C2orf42: variants seen among roughly 807,000 people sequenced by gnomAD.
C2orf42 encodes the protein chromosome 2 open reading frame 42, also known as uncharacterized protein C2orf42.
In C2orf42, 44 loss-of-function variants were observed where a neutral mutation model predicts 58.9. The ratio of observed to expected loss-of-function variants is 0.75; its 90% CI spans 0.59 to 0.96. The LOEUF (loss-of-function observed/expected upper bound fraction) is 0.96. C2orf42 is among the 40% of genes least tolerant of loss of function. C2orf42 has a pLI of 0.00. For missense variants in C2orf42, 630 were observed against 699.2 expected, an observed-to-expected ratio of 0.90 and a Z score of 1.12; for synonymous variants, 239 against 265.4, an observed-to-expected ratio of 0.90 and a Z score of 0.97.
At chr2:70,166,310 C>G (rs140818705) in intron 6 of C2orf42, among the ~76,000 whole-genome samples, 1 of 148,894 alleles carries the variant, frequency 6.7e-6, no homozygotes, top group Non-Finnish European at 1.5e-5. Context: ...GCCATGATCA[C>G]GCCACTGCAC....
At chr2:70,151,325 C>T (rs1672297335) in intron 9 of C2orf42, among the ~76,000 whole-genome samples, 1 of 151,982 alleles carries the variant, frequency 6.6e-6, no homozygotes, top group Admixed American at 6.6e-5. Context: ...CTCAAAAAAA[C>T]AAAGTAATAC....
chr2:70,188,806 G>C (rs76273439), intron 1 of C2orf42, among the ~76,000 whole-genome samples: 3,285 of 152,208 alleles, frequency 0.022, 132 homozygotes, highest in African/African-American at 0.075. Context: ...GTTTTGAAGA[G>C]TCGAATATTT....
intron 5 of C2orf42, among the ~76,000 whole-genome samples, chr2:70,175,121 T>C (rs536286970): frequency 6.6e-6 from 1 of 152,166 alleles, no homozygotes; most frequent in East Asian, 1.9e-4. Context: ...TACACATATG[T>C]TTTGTTTGTT....
intron 9 of C2orf42, among the ~76,000 whole-genome samples, chr2:70,158,512 C>T (rs1031191604): frequency 5.9e-5 from 9 of 152,078 alleles, no homozygotes; most frequent in East Asian, 1.9e-4. Context: ...TGCAATGGCA[C>T]GATCTCGGCT....
At position 70,182,128 on chromosome 2, in the gene C2orf42, C is replaced by T. The variant is rs1042484982; in HGVS notation, c.-12-131G>A. ...ACTATTTTTTTTTTTTAGACGGAGT[C>T]TCGCTCTGTCGCCCAGGCTGGAGTG... On this transcript the variant is annotated intron_variant, in intron 2 of 9. Transcript: ENST00000264434. 6.4e-5 allele frequency: 38 copies of T among 590,456 alleles called. No individual in the cohort carries two copies. In the East Asian group the frequency reaches 9.9e-4, roughly 15 times the overall value. The allele number at this position is 590,456 out of a possible 1,614,324, so 36.6% of individuals were successfully genotyped here.
intron 9 of C2orf42, among the ~76,000 whole-genome samples, chr2:70,154,459 T>C (rs1028617420): frequency 8.8e-6 from 1 of 114,096 alleles, no homozygotes; most frequent in Admixed American, 9.1e-5. Flanking sequence ...GACATGGTTC[T>C]AAAATATATT....
At chr2:70,165,264 G>GT (rs1673321461) in intron 7 of C2orf42, 72 bp from the exon 8 acceptor site, 1 of 866,314 alleles carries the variant, frequency 1.2e-6, no homozygotes. Context: ...TTGTTACCTA[G>GT]TTTCTAATAC....
intron 8 of C2orf42, among the ~76,000 whole-genome samples, chr2:70,163,661 C>A (rs1422632467): frequency 1.3e-5 from 2 of 150,070 alleles, no homozygotes; most frequent in Admixed American, 6.6e-5. Context: ...ACCAGCCTGG[C>A]CAACATGGCA....
chr2:70,164,588 C>T (rs1474389643), intron 8 of C2orf42, among the ~76,000 whole-genome samples: 3 of 151,750 alleles, frequency 2.0e-5, no homozygotes, highest in Admixed American at 6.6e-5. Flanking sequence ...GCCAAGATTG[C>T]GCCACTGCAC....
rs144647316 is a variant in C2orf42, at chr2:70,166,392, G to A, written c.1145-757C>T. Among the ~76,000 whole-genome samples the A allele has an allele frequency of 7.1e-3, 1,064 of 150,076 alleles. 12 individuals carry two copies. The highest frequency in any genetic ancestry group is 0.025 in the African/African-American group (1,019 of 40,916). On this transcript the variant is annotated intron_variant, in intron 6 of 9. Transcript: ENST00000264434. The stretch of plus-strand genomic sequence containing the variant: ...AAAGAAAAGAAAAGAGAGGCCAGGC[G>A]TGGTGACTCACACCTGTAATCCCAG...
rs1269296916 is a variant in C2orf42 at position 70,179,662 on chromosome 2, T to C, written c.824-20A>G. 6.0e-6 allele frequency: 6 copies of C among 998,828 alleles called. No homozygotes were observed. The Admixed American group carries it at 9.0e-5, about 15-fold the overall frequency. The allele number at this position is 998,828 out of a possible 1,614,324, so 61.9% of individuals were successfully genotyped here. A position where few individuals can be genotyped will look rare whatever the true frequency, so the allele number is the denominator to read the frequency against. ...TAAGACCTAAAAAAAAGAAGATTTC[T>C]GAATTATTAATCCTATCCAAGGGTA... On this transcript the variant is annotated intron_variant, in intron 3 of 9. Coordinates refer to ENST00000264434, the MANE Select transcript of C2orf42 (RefSeq NM_017880.3).
chr2:70,158,652 G>A (rs1323538777), intron 9 of C2orf42, among the ~76,000 whole-genome samples: 3 of 152,080 alleles, frequency 2.0e-5, no homozygotes, highest in Non-Finnish European at 2.9e-5. Flanking sequence ...GTTTCACCAT[G>A]TTGGCCAGGA....
At chr2:70,172,245 G>A (rs1262516749) in intron 5 of C2orf42, among the ~76,000 whole-genome samples, 1 of 148,384 alleles carries the variant, frequency 6.7e-6, no homozygotes, top group Admixed American at 6.8e-5. Context: ...AAAAAAAAAG[G>A]CTATGGGACC....
chr2:70,150,297 G>C lies in C2orf42; in HGVS notation c.*59C>G. On this transcript the variant is annotated 3_prime_UTR_variant, in exon 10 of 10. Transcript: ENST00000264434. ...TCTAAGTGCCTAACTAGCATTTAAA[G>C]TTGTCAAGGGGTGGGGATGTGCAAA... 1 of 1,458,514 alleles carries C rather than the reference G, an allele frequency of 6.9e-7. No individual in the cohort carries two copies. Among genetic ancestry groups the C allele is most frequent in the South Asian group, 1.1e-5 (1 of 88,056 alleles). The allele number at this position is 1,458,514 out of a possible 1,614,324, so 90.3% of individuals were successfully genotyped here. A position where few individuals can be genotyped will look rare whatever the true frequency, so the allele number is the denominator to read the frequency against.
At chr2:70,172,616 C>G (rs919810065) in intron 5 of C2orf42, among the ~76,000 whole-genome samples, 2 of 151,906 alleles carry the variant, frequency 1.3e-5, no homozygotes, top group African/African-American at 4.8e-5. Flanking sequence ...AAGGCTGCAG[C>G]GAGCTGTATC....
chr2:70,160,334 G>A (rs774343673), intron 9 of C2orf42, among the ~76,000 whole-genome samples: 2 of 151,956 alleles, frequency 1.3e-5, no homozygotes, highest in Non-Finnish European at 2.9e-5. Context: ...TAGAGACTGG[G>A]TTTCACCATG....
At chr2:70,162,136 C>T (rs1397012740) in intron 8 of C2orf42, among the ~76,000 whole-genome samples, 4 of 151,412 alleles carry the variant, frequency 2.6e-5, no homozygotes, top group African/African-American at 7.3e-5. Flanking sequence ...CTCAGCCTCC[C>T]GAGTAGCTGG....
At chr2:70,172,130 A>G (rs1008254140) in intron 5 of C2orf42, among the ~76,000 whole-genome samples, 2 of 150,914 alleles carry the variant, frequency 1.3e-5, no homozygotes, top group African/African-American at 4.9e-5. Context: ...AGGCTGAGGC[A>G]GGAGAATCGC....
At chr2:70,176,728 A>G (rs1674218841) in intron 4 of C2orf42, among the ~76,000 whole-genome samples, 1 of 151,984 alleles carries the variant, frequency 6.6e-6, no homozygotes. Flanking sequence ...TCCCGGGCTC[A>G]AGGGACCCTC....
Sources: gnomAD v4.1 joint callset for allele counts (sites outside exome capture counted in the v4.1 genomes callset) on GRCh38, gnomAD v4.1.1 for gene constraint, MANE v1.5 for transcripts, NCBI Gene and HGNC (gene_info 2026-07-23, HGNC 2026-07-21) for gene names.